RBX1: variants seen among roughly 807,000 people sequenced by gnomAD.
The protein encoded by RBX1 is E3 ubiquitin-protein ligase RBX1.
For synonymous variants in RBX1, 48 were observed against 47.9 expected (o/e 1.00, Z -0.01); for missense variants, 46 against 141.4 (o/e 0.33, Z 3.42).
intron 2 of RBX1, among the ~76,000 whole-genome samples, chr22:40,963,812 C>T (rs1166529968): frequency 6.6e-6 from 1 of 152,216 alleles, no homozygotes; most frequent in African/African-American, 2.4e-5. Flanking sequence ...TGCCACTGCA[C>T]TGTAGCCTGG....
Position 40,972,588 on chromosome 22 carries a change from TG to T in RBX1, c.*101del. The T allele has an allele frequency of 9.9e-7, 1 of 1,008,642 alleles. No individual in the cohort carries two copies. Among genetic ancestry groups the T allele is most frequent in the Non-Finnish European group, 1.5e-6 (1 of 648,414 alleles). 62.5% of individuals were successfully genotyped at this position (1,008,642 alleles called of 1,614,324 possible). ...AATTGGATGGAACTGTGTTTTTTTCTGCTTTGTTTTTTCAGTTTGCTGTTTC... is the reference window on the plus strand; with the variant it reads ...AATTGGATGGAACTGTGTTTTTTTCTCTTTGTTTTTTCAGTTTGCTGTTTC... On this transcript the variant is annotated 3_prime_UTR_variant, in exon 5 of 5. Coordinates refer to ENST00000216225, the MANE Select transcript of RBX1 (RefSeq NM_014248.4).
In RBX1 at chr22:40,962,594, C is replaced by G. The variant is rs962137669; in HGVS notation, c.158-1453C>G. On this transcript the variant is annotated intron_variant, in intron 2 of 4. Transcript: ENST00000216225. ...CACTGCAACCTCTGCCTCCCGGATT[C>G]AAGCAATTCTTCTGCCTCAGCCTCC... Among the ~76,000 whole-genome samples the G allele has an allele frequency of 6.0e-5, 9 of 150,850 alleles. No homozygotes were observed. In the South Asian group the frequency reaches 1.3e-3, roughly 21 times the overall value.
intron 2 of RBX1, 102 bp from the exon 3 acceptor site, chr22:40,963,945 A>G: frequency 2.4e-6 from 2 of 827,946 alleles, no homozygotes. Context: ...TCATTAAAAA[A>G]CAATTATGGC....
At chr22:40,951,614 G>C (rs1320872666) in intron 1 of RBX1, 138 bp downstream of exon 1, 1 of 778,362 alleles carries the variant, frequency 1.3e-6, no homozygotes, top group African/African-American at 1.7e-5. Context: ...AAAGGAAGCC[G>C]GGGGGCGGGT....
chr22:40,952,851 T>G (rs1266809075), intron 1 of RBX1, among the ~76,000 whole-genome samples: 1 of 152,214 alleles, frequency 6.6e-6, no homozygotes, highest in South Asian at 2.1e-4. Context: ...AGTCATTATC[T>G]TAGTTCATTC....
At chr22:40,962,917 C>CA (rs1268545468) in intron 2 of RBX1, among the ~76,000 whole-genome samples, 4 of 146,900 alleles carry the variant, frequency 2.7e-5, no homozygotes, top group African/African-American at 1.0e-4. Flanking sequence ...AGGATGGTCT[C>CA]AAAGTCCTGA....
chr22:40,955,393 C>G (rs754705249), intron 2 of RBX1, among the ~76,000 whole-genome samples: 5 of 151,572 alleles, frequency 3.3e-5, no homozygotes, highest in Non-Finnish European at 5.9e-5. Flanking sequence ...GCCACTGTGG[C>G]TGGCCTGAAA....
chr22:40,953,106 T>A (rs1404969502), intron 1 of RBX1, among the ~76,000 whole-genome samples: 1 of 146,826 alleles, frequency 6.8e-6, no homozygotes, highest in Non-Finnish European at 1.5e-5. Context: ...TTCTCCTGCC[T>A]CAGCTTCCCA....
intron 3 of RBX1, 133 bp from the exon 4 acceptor site, chr22:40,967,666 T>C: frequency 1.6e-6 from 1 of 613,970 alleles, no homozygotes. Flanking sequence ...TGTTGAACTT[T>C]TGCCTCTCGT....
At chr22:40,966,545 GC>G in intron 3 of RBX1, 2 of 152,298 alleles carry the variant, frequency 1.3e-5, no homozygotes, top group East Asian at 3.9e-4. Flanking sequence ...ACAAGAGTCA[GC>G]TGAAAAGGGA....
At position 40,966,321 on chromosome 22, in the gene RBX1, GC is replaced by G. The variant is rs1388002594; in HGVS notation, c.229-1473del. On this transcript the variant is annotated intron_variant, in intron 3 of 4. Coordinates refer to ENST00000216225, the MANE Select transcript of RBX1 (RefSeq NM_014248.4). ...TCACCTCCCTGACACCTCCTTTACAGCCCCCTTTTCCCCAGCGCGTGGTATG... is the reference window on the plus strand; with the variant it reads ...TCACCTCCCTGACACCTCCTTTACAGCCCCTTTTCCCCAGCGCGTGGTATG... The G allele has an allele frequency of 7.2e-5, 11 of 152,242 alleles. No homozygotes were observed. The South Asian group carries it at 2.1e-3, about 29-fold the overall frequency. The allele number at this position is 152,242 out of a possible 1,614,324, so 9.4% of individuals were successfully genotyped here.
At chr22:40,956,467 A>T (rs1330448090) in intron 2 of RBX1, among the ~76,000 whole-genome samples, 1 of 146,762 alleles carries the variant, frequency 6.8e-6, no homozygotes, top group African/African-American at 2.5e-5. Flanking sequence ...CTCCTGCGTC[A>T]GCCTCCCAAG....
chr22:40,957,363 T>G (rs1358936507), intron 2 of RBX1, among the ~76,000 whole-genome samples: 1 of 151,274 alleles, frequency 6.6e-6, no homozygotes, highest in Non-Finnish European at 1.5e-5. Flanking sequence ...AAGACACTCT[T>G]GGCCAGGTGA....
chr22:40,954,656 A>C (rs1191870875), intron 2 of RBX1, among the ~76,000 whole-genome samples: 1 of 151,958 alleles, frequency 6.6e-6, no homozygotes, highest in African/African-American at 2.4e-5. Context: ...AATTATAGGA[A>C]CTTATTTTTC....
chr22:40,953,837 T>A (rs1257514500), intron 2 of RBX1, among the ~76,000 whole-genome samples: 1 of 152,120 alleles, frequency 6.6e-6, no homozygotes, highest in African/African-American at 2.4e-5. Context: ...TCAGAATAAA[T>A]CTACTCAATC....
intron 2 of RBX1, among the ~76,000 whole-genome samples, chr22:40,957,720 C>T (rs545507170): frequency 4.6e-5 from 7 of 152,160 alleles, no homozygotes; most frequent in Admixed American, 3.9e-4. Flanking sequence ...CAGGCTGGAG[C>T]GCAGTGGCAC....
At chr22:40,965,433 T>G (rs1365557427) in intron 3 of RBX1, among the ~76,000 whole-genome samples, 1 of 151,392 alleles carries the variant, frequency 6.6e-6, no homozygotes, top group Admixed American at 6.6e-5. Flanking sequence ...TTTTTTTTTT[T>G]GTTTTTTGTT....
chr22:40,964,768 A>G (rs1046673736), intron 3 of RBX1, among the ~76,000 whole-genome samples: 1 of 152,188 alleles, frequency 6.6e-6, no homozygotes, highest in Non-Finnish European at 1.5e-5. Flanking sequence ...TGGGGACAGA[A>G]TACTCACAGT....
chr22:40,959,649 A>G (rs1319361826), intron 2 of RBX1, among the ~76,000 whole-genome samples: 1 of 152,114 alleles, frequency 6.6e-6, no homozygotes, highest in African/African-American at 2.4e-5. Flanking sequence ...CATCTCTACT[A>G]AAAATACAAA....
Sources: gnomAD v4.1 joint callset for allele counts (sites outside exome capture counted in the v4.1 genomes callset) on GRCh38, gnomAD v4.1.1 for gene constraint, MANE v1.5 for transcripts, NCBI Gene and HGNC (gene_info 2026-07-23, HGNC 2026-07-21) for gene names.